The following ITGA4 variants were observed in gnomAD, a reference collection of about 807,000 sequenced individuals.
ITGA4 encodes the protein integrin subunit alpha 4, also known as integrin alpha-4.
A neutral mutation model predicts 133.6 loss-of-function variants in ITGA4; 63 were observed. That is an observed-to-expected ratio of 0.47 (90% CI 0.38 to 0.58). The LOEUF is 0.58. Among genes scored for constraint, ITGA4 ranks in the 20% least tolerant of loss-of-function variants. ITGA4 has a pLI of 0.00. For missense variants in ITGA4, 1,076 were observed against 1,252.7 expected, an observed-to-expected ratio of 0.86 and a Z score of 2.13; for synonymous variants, 483 against 438.0, an observed-to-expected ratio of 1.10 and a Z score of -1.28.
rs1358144406 is a variant in ITGA4 at position 181,482,356 on chromosome 2, A to G, written c.841-4A>G. The G allele has an allele frequency of 7.5e-6, 12 of 1,598,980 alleles. No homozygotes were observed. The highest frequency in any genetic ancestry group is 9.4e-6 in the Non-Finnish European group (11 of 1,174,684). ...AACTTTTCTAATTCTTTCCCTAATT[A>G]CAGGCATATATATTCAGCATTGATG... On this transcript the variant is annotated splice_polypyrimidine_tract_variant and splice_region_variant and intron_variant, in intron 7 of 27. Coordinates refer to ENST00000397033, the MANE Select transcript of ITGA4 (RefSeq NM_000885.6).
intron 2 of ITGA4, among the ~76,000 whole-genome samples, chr2:181,460,566 A>AATTGTGT (rs79689303): frequency 6.8e-6 from 1 of 147,958 alleles, no homozygotes; most frequent in African/African-American, 2.5e-5. Flanking sequence ...TCTGTAGAAG[A>AATTGTGT]GTGTGTGTGT....
rs765164900 is a variant in ITGA4 at position 181,531,807 on chromosome 2, T to C, written c.2784+31T>C. ...TAAGTCTAAAACATTGACAACTTGG[T>C]GGCTAAGTTTACATAAAATCTATAA... On this transcript the variant is annotated intron_variant, in intron 25 of 27. Transcript: ENST00000397033. 5.9e-6 allele frequency: 9 copies of C among 1,531,224 alleles called. No individual in the cohort carries two copies. In the East Asian group the frequency reaches 1.7e-4, roughly 28 times the overall value. The allele number at this position is 1,531,224 out of a possible 1,614,324, so 94.9% of individuals were successfully genotyped here. A position where few individuals can be genotyped will look rare whatever the true frequency, so the allele number is the denominator to read the frequency against.
chr2:181,498,352 A>G (rs752944829), intron 14 of ITGA4: 66 of 192,162 alleles, frequency 3.4e-4, no homozygotes, highest in South Asian at 1.2e-3. Context: ...AAATTTTTAT[A>G]TAAAGATTAA....
intron 2 of ITGA4, among the ~76,000 whole-genome samples, chr2:181,470,101 G>T (rs1416226279): frequency 1.3e-5 from 2 of 151,892 alleles, no homozygotes; most frequent in Non-Finnish European, 2.9e-5. Context: ...GCAAGAATGT[G>T]GAAAAATGGG....
rs1398728948 is a variant in ITGA4, at chr2:181,537,152, C to G, written c.*1625C>G. On this transcript the variant is annotated 3_prime_UTR_variant, in exon 28 of 28. Coordinates refer to ENST00000397033, the MANE Select transcript of ITGA4 (RefSeq NM_000885.6). The stretch of plus-strand genomic sequence containing the variant: ...AAAACTTTGTATCGTTATAAAAAGG[C>G]TAGTCATTCTTTCAGGAGAACATCT... The G allele has an allele frequency of 2.2e-6, 1 of 453,836 alleles. No individual in the cohort carries two copies. The highest frequency in any genetic ancestry group is 2.4e-5 in the Admixed American group (1 of 42,522). 28.1% of individuals were successfully genotyped at this position (453,836 alleles called of 1,614,324 possible).
chr2:181,502,980 G>A (rs1686311514), intron 15 of ITGA4, among the ~76,000 whole-genome samples: 1 of 151,986 alleles, frequency 6.6e-6, no homozygotes, highest in Non-Finnish European at 1.5e-5. Context: ...GGCTAAGGAG[G>A]GGAGGGGGCA....
chr2:181,469,679 A>G (rs188951909), intron 2 of ITGA4, among the ~76,000 whole-genome samples: 1 of 152,318 alleles, frequency 6.6e-6, no homozygotes, highest in African/African-American at 2.4e-5. Flanking sequence ...ATGTCCATCA[A>G]TGTAGACTGG....
chr2:181,482,749 T>G, intron 9 of ITGA4, 98 bp downstream of exon 9: 1 of 1,163,778 alleles, frequency 8.6e-7, no homozygotes, highest in Non-Finnish European at 1.2e-6. Flanking sequence ...TCAGGTTTCT[T>G]TTATTGACAA....
intron 6 of ITGA4, among the ~76,000 whole-genome samples, chr2:181,480,928 A>G (rs1685787254): frequency 6.6e-6 from 1 of 152,208 alleles, no homozygotes; most frequent in African/African-American, 2.4e-5. Flanking sequence ...CCATTACAAG[A>G]AAATAAATGC....
In ITGA4 at chr2:181,529,562, A is replaced by T; in HGVS notation, c.2452A>T (p.Met818Leu). The T allele has an allele frequency of 6.2e-7, 1 of 1,603,898 alleles. No individual in the cohort carries two copies. Among genetic ancestry groups the T allele is most frequent in the African/African-American group, 1.3e-5 (1 of 74,822 alleles). ...TCAGGTTATCAACACTGGCAATAGT[A>T]TGGCTCCCAATGTTAGTGTGGAAAT... ...TFHVINTGNS[M>L]APNVSVEIMV... The change falls in exon 23 of 28, where the codon ATG becomes TTG. Residue 818 changes from methionine to leucine, a missense_variant. Around this residue, in one of 4 missense-constraint regions of ITGA4, gnomAD observed 365 missense variants for 421.4 expected, o/e 0.87. Transcript: ENST00000397033.
intron 24 of ITGA4, 75 bp downstream of exon 24, chr2:181,530,724 G>T (rs1374199490): frequency 7.6e-7 from 1 of 1,309,028 alleles, no homozygotes; most frequent in Admixed American, 1.8e-5. Context: ...AAGTCAATGG[G>T]TTTGAGCTGT....
At position 181,495,843 on chromosome 2, in the gene ITGA4, G is replaced by A. The variant is rs1356750924; in HGVS notation, c.1446G>A (p.Thr482=). The change falls in exon 14 of 28, where the codon ACG becomes ACA. Residue 482 remains threonine, a synonymous_variant. Coordinates refer to ENST00000397033, the MANE Select transcript of ITGA4 (RefSeq NM_000885.6). The surrounding 1 kb of genome is among the most constrained non-coding windows in gnomAD (Gnocchi z 4.3). ...SLSHPESVNR[T]KFDCVENGWP... ...GCCACCCTGAGTCAGTAAATAGAAC[G>A]AAATTTGACTGTGTTGAAAATGGAT... 6.2e-7 allele frequency: 1 copy of A among 1,613,798 alleles called. No homozygotes were observed. Among genetic ancestry groups the A allele is most frequent in the Non-Finnish European group, 8.5e-7 (1 of 1,179,744 alleles).
intron 15 of ITGA4, among the ~76,000 whole-genome samples, chr2:181,506,909 G>T (rs552788501): frequency 6.6e-6 from 1 of 152,140 alleles, no homozygotes; most frequent in South Asian, 2.1e-4. Context: ...CAGTGTCATG[G>T]GTCTACCTTG....
At chr2:181,474,895 C>T (rs1037842113) in intron 2 of ITGA4, 65 bp from the exon 3 acceptor site, 2 of 1,212,076 alleles carry the variant, frequency 1.7e-6, no homozygotes, top group Middle Eastern at 1.9e-4. Flanking sequence ...GATGAGTGCA[C>T]AGTTTTCTCT....
At position 181,480,094 on chromosome 2, in the gene ITGA4, T is replaced by G. The variant is rs187517651; in HGVS notation, c.625-43T>G. ...TGTATCTGGAGGAGGTTTGGGGTGG[T>G]GAGATTAAAGTTTAAATAATAATAG... On this transcript the variant is annotated intron_variant, in intron 5 of 27. Transcript: ENST00000397033. 177 of 1,457,412 alleles carry G rather than the reference T, an allele frequency of 1.2e-4. 1 individual carries two copies. The East Asian group carries it at 4.1e-3, about 33-fold the overall frequency. The allele number at this position is 1,457,412 out of a possible 1,614,324, so 90.3% of individuals were successfully genotyped here.
At chr2:181,504,103 A>G (rs1378865636) in intron 15 of ITGA4, among the ~76,000 whole-genome samples, 1 of 152,076 alleles carries the variant, frequency 6.6e-6, no homozygotes, top group East Asian at 1.9e-4. Flanking sequence ...AAAAGAAGCA[A>G]TGAGATTTCC....
At position 181,523,409 on chromosome 2, in the gene ITGA4, A is replaced by G; in HGVS notation, c.2074-28A>G. On this transcript the variant is annotated intron_variant, in intron 18 of 27. Coordinates refer to ENST00000397033, the MANE Select transcript of ITGA4 (RefSeq NM_000885.6). This position sits in a 1 kb window ranked among gnomAD's most constrained non-coding sequence, Gnocchi z 4.2. ...CAAACTTTTTATTTCCTTCCTGTCCAAAACAGTTGTTTCATTTTTCCCATT... is the reference window on the plus strand; with the variant it reads ...CAAACTTTTTATTTCCTTCCTGTCCGAAACAGTTGTTTCATTTTTCCCATT... The G allele has an allele frequency of 2.2e-6, 3 of 1,349,996 alleles. No individual in the cohort carries two copies. Among genetic ancestry groups the G allele is most frequent in the Non-Finnish European group, 3.2e-6 (3 of 940,062 alleles). 83.6% of individuals were successfully genotyped at this position (1,349,996 alleles called of 1,614,324 possible). A position where few individuals can be genotyped will look rare whatever the true frequency, so the allele number is the denominator to read the frequency against.
chr2:181,520,677 T>C (rs1200067000), intron 17 of ITGA4, among the ~76,000 whole-genome samples: 1 of 152,150 alleles, frequency 6.6e-6, no homozygotes, highest in Non-Finnish European at 1.5e-5. Context: ...ATGTCTTTAC[T>C]ACCTCAGGCA....
At position 181,522,322 on chromosome 2, in the gene ITGA4, T is replaced by C; in HGVS notation, c.2054T>C (p.Phe685Ser). 6.2e-7 allele frequency: 1 copy of C among 1,604,786 alleles called. No individual in the cohort carries two copies. The change falls in exon 18 of 28, where the codon TTC becomes TCC. Residue 685 changes from phenylalanine to serine, a missense_variant. Phe to Ser is a radical substitution (Grantham distance 155). This residue lies in a region of ITGA4 where 365 missense variants were observed against 421.4 expected (regional missense o/e 0.87). Transcript: ENST00000397033. The stretch of plus-strand genomic sequence containing the variant: ...GTCAAACTACCCGTGGGTCTTTATT[T>C]CATTAAGATTTTAGAGCTGGTAAGT... The part of the protein sequence containing the change: ...LHVKLPVGLY[F>S]IKILELEEKQ...
Sources: gnomAD v4.1 joint callset for allele counts (sites outside exome capture counted in the v4.1 genomes callset) on GRCh38, gnomAD v4.1.1 for gene constraint, gnomAD v4.1.1 regional missense constraint, Gnocchi (gnomAD v3.1) non-coding constraint, MANE v1.5 for transcripts, NCBI Gene and HGNC (gene_info 2026-07-23, HGNC 2026-07-21) for gene names.